The following TRIO variants were observed in gnomAD, a reference collection of about 807,000 sequenced individuals.
TRIO encodes triple functional domain protein.
A neutral mutation model predicts 351.9 loss-of-function variants in TRIO; 58 were observed. The ratio of observed to expected loss-of-function variants is 0.16; its 90% CI spans 0.13 to 0.21. The LOEUF (loss-of-function observed/expected upper bound fraction) is 0.21. Among genes scored for constraint, TRIO ranks in the 10% least tolerant of loss-of-function variants. The pLI, the probability that TRIO is intolerant of heterozygous loss-of-function variation, is 1.00. For missense variants in TRIO, 3,201 were observed against 4,027.8 expected (o/e 0.79, Z 5.56); for synonymous variants, 1,758 against 1,595.7 (o/e 1.10, Z -2.42).
At chr5:14,384,157 G>A (rs946491784) in intron 21 of TRIO, among the ~76,000 whole-genome samples, 2 of 152,166 alleles carry the variant, frequency 1.3e-5, no homozygotes. Context: ...AGTGAGGCCT[G>A]CGGATGAGCA....
intron 33 of TRIO, among the ~76,000 whole-genome samples, chr5:14,416,736 C>G (rs1749675422): frequency 1.3e-5 from 2 of 152,204 alleles, no homozygotes; most frequent in African/African-American, 4.8e-5. Context: ...CAGCCCCTCT[C>G]TCCCCTTCCC....
intron 34 of TRIO, among the ~76,000 whole-genome samples, chr5:14,430,186 C>CT (rs201941288): frequency 2.4e-3 from 222 of 90,680 alleles, no homozygotes; most frequent in South Asian, 4.2e-3. Flanking sequence ...TATTTGCGTG[C>CT]TTTTTTTTTT....
rs555364269 is a variant in TRIO, at chr5:14,293,530, C to G, written c.1176+396C>G. Among the ~76,000 whole-genome samples, 6 of 152,324 alleles carry G rather than the reference C, an allele frequency of 3.9e-5. No individual in the cohort carries two copies. The South Asian group carries it at 1.2e-3, about 32-fold the overall frequency. Reference sequence around the variant, plus strand: ...CTGCTGTTCATGACAGCGAAAGGAGCAAGCCTGCTGCTGACCTCAGGGCAC... The same window carrying G: ...CTGCTGTTCATGACAGCGAAAGGAGGAAGCCTGCTGCTGACCTCAGGGCAC... On this transcript the variant is annotated intron_variant, in intron 6 of 56. Coordinates refer to ENST00000344204, the MANE Select transcript of TRIO (RefSeq NM_007118.4).
chr5:14,311,083 C>A (rs760830221), intron 8 of TRIO, among the ~76,000 whole-genome samples: 2 of 152,208 alleles, frequency 1.3e-5, no homozygotes, highest in Non-Finnish European at 2.9e-5. Context: ...AGTATCAGAG[C>A]CAACAGCCCA....
intron 49 of TRIO, 96 bp from the exon 50 acceptor site, chr5:14,496,783 C>T: frequency 6.6e-7 from 1 of 1,514,082 alleles, no homozygotes; most frequent in Non-Finnish European, 9.0e-7. Flanking sequence ...CCTGCACACA[C>T]ATACGTTGAA....
intron 1 of TRIO, among the ~76,000 whole-genome samples, chr5:14,253,078 A>G (rs16903338): frequency 0.18 from 27,394 of 152,274 alleles, 2,698 homozygotes; most frequent in East Asian, 0.37. Flanking sequence ...CTCTGATCAT[A>G]TCACTGTTAC....
At chr5:14,192,210 A>G (rs1385776994) in intron 1 of TRIO, among the ~76,000 whole-genome samples, 1 of 152,098 alleles carries the variant, frequency 6.6e-6, no homozygotes, top group African/African-American at 2.4e-5. Context: ...GGAGGTTTCC[A>G]AATTATTTAT....
At chr5:14,397,258 G>C in intron 29 of TRIO, 104 bp downstream of exon 29, 1 of 833,168 alleles carries the variant, frequency 1.2e-6, no homozygotes, top group Non-Finnish European at 1.9e-6. Context: ...ATGTCTCTAT[G>C]TTAGTGGTTA....
chr5:14,176,247 G>A (rs888395695), intron 1 of TRIO, among the ~76,000 whole-genome samples: 1 of 152,134 alleles, frequency 6.6e-6, no homozygotes, highest in Non-Finnish European at 1.5e-5. Flanking sequence ...TGAGGCGGGC[G>A]GATCACGAGG....
intron 34 of TRIO, 106 bp from the exon 35 acceptor site, chr5:14,460,913 G>T: frequency 7.5e-7 from 1 of 1,338,098 alleles, no homozygotes; most frequent in Non-Finnish European, 1.0e-6. Context: ...CGCTGACGAG[G>T]CATCCAGGCC....
chr5:14,159,857 G>A (rs1036756330), intron 1 of TRIO, among the ~76,000 whole-genome samples: 30 of 152,164 alleles, frequency 2.0e-4, no homozygotes, highest in Non-Finnish European at 2.9e-4. Context: ...GAGCCACCGC[G>A]TCCGGCCGAG....
intron 55 of TRIO, among the ~76,000 whole-genome samples, chr5:14,505,112 G>C (rs915457810): frequency 6.6e-6 from 1 of 152,270 alleles, no homozygotes; most frequent in Non-Finnish European, 1.5e-5. Context: ...CTGCCCCTCT[G>C]GTCCCCGTTG....
At chr5:14,345,154 T>G (rs1366609032) in intron 11 of TRIO, among the ~76,000 whole-genome samples, 1 of 152,230 alleles carries the variant, frequency 6.6e-6, no homozygotes, top group Non-Finnish European at 1.5e-5. Flanking sequence ...ATTTATACAA[T>G]TTTTATTTGT....
At chr5:14,148,028 G>A (rs1291312053) in intron 1 of TRIO, among the ~76,000 whole-genome samples, 4 of 152,246 alleles carry the variant, frequency 2.6e-5, no homozygotes, top group African/African-American at 9.6e-5. Context: ...AATCAAAGAA[G>A]TGCAGTAAAG....
At position 14,363,923 on chromosome 5, in the gene TRIO, C is replaced by T. The variant is rs191608099; in HGVS notation, c.2583C>T (p.Ala861=). The change falls in exon 14 of 57, where the codon GCC becomes GCT. Residue 861 remains alanine (A), a synonymous_variant. Coordinates refer to ENST00000344204, the MANE Select transcript of TRIO (RefSeq NM_007118.4). The part of the protein sequence containing the change: ...DLLQYVNEVQ[A]SGVELLCDRD... ...TGCAGTATGTCAATGAGGTCCAGGC[C>T]TCTGGTAAGAGGGCTCACTCCATCT... 93 of 1,613,324 alleles carry T rather than the reference C, an allele frequency of 5.8e-5. No individual in the cohort carries two copies. The Admixed American group carries it at 1.5e-3, about 26-fold the overall frequency.
At chr5:14,242,708 G>A (rs906995988) in intron 1 of TRIO, among the ~76,000 whole-genome samples, 10 of 152,184 alleles carry the variant, frequency 6.6e-5, no homozygotes, top group African/African-American at 1.9e-4. Context: ...CCGAGTAGCT[G>A]GGACTGCAGG....
chr5:14,371,203 A>T lies in TRIO; in HGVS notation c.3216+1680A>T, dbSNP rs186496240. Among the ~76,000 whole-genome samples, 855 of 152,364 alleles carry T rather than the reference A, an allele frequency of 5.6e-3. 4 individuals are homozygous for T. Among genetic ancestry groups the T allele is most frequent in the Non-Finnish European group, 8.2e-3 (557 of 68,028 alleles). On this transcript the variant is annotated intron_variant, in intron 18 of 56. Coordinates refer to ENST00000344204, the MANE Select transcript of TRIO (RefSeq NM_007118.4). ...GTTAAACTGTGATGTTGAGTAGATTAGGTGCAATAAACTCATTTTTGACTT... is the reference window on the plus strand; with the variant it reads ...GTTAAACTGTGATGTTGAGTAGATTTGGTGCAATAAACTCATTTTTGACTT...
chr5:14,251,190 A>G (rs1186116315), intron 1 of TRIO, among the ~76,000 whole-genome samples: 1 of 152,164 alleles, frequency 6.6e-6, no homozygotes, highest in East Asian at 1.9e-4. Context: ...AGATACAAGA[A>G]GTTACAAGGT....
chr5:14,475,796 CCAGA>C (rs1276539036), intron 40 of TRIO, among the ~76,000 whole-genome samples: 1 of 152,096 alleles, frequency 6.6e-6, no homozygotes, highest in Non-Finnish European at 1.5e-5. Context: ...TCTGGGATGA[CCAGA>C]CAGACACTGT....
Sources: allele counts gnomAD v4.1 joint callset (sites outside exome capture counted in the v4.1 genomes callset), GRCh38; gene constraint gnomAD v4.1.1; transcripts MANE v1.5; gene names NCBI Gene and HGNC (gene_info 2026-07-23, HGNC 2026-07-21).